The following DHPS variants were observed in gnomAD, a reference collection of about 807,000 sequenced individuals.
DHPS encodes migration-inducing gene 13.
DHPS carries 24 observed loss-of-function variants against 38.7 expected under a neutral mutation model. That is an observed-to-expected ratio of 0.62 (90% confidence interval 0.45 to 0.87). The LOEUF (loss-of-function observed/expected upper bound fraction) is 0.87, where lower values mean the gene tolerates loss of function less well. Among genes scored for constraint, DHPS ranks in the 40% least tolerant of loss-of-function variants. DHPS has a pLI of 0.00. For synonymous variants in DHPS, 250 were observed against 204.4 expected (o/e 1.22, Z -1.90); for missense variants, 510 against 497.6 (o/e 1.02, Z -0.24).
At position 12,678,792 on chromosome 19, in the gene DHPS, G is replaced by A. The variant is rs778443209; in HGVS notation, c.678+665C>T. Among the ~76,000 whole-genome samples the A allele has an allele frequency of 4.2e-3, 432 of 102,072 alleles. 6 individuals are homozygous for A. Among genetic ancestry groups the A allele is most frequent in the East Asian group, 9.2e-3 (28 of 3,042 alleles). 67.0% of individuals were successfully genotyped at this position (102,072 alleles called of 152,430 possible). On this transcript the variant is annotated intron_variant, in intron 5 of 8. Transcript: ENST00000210060. ...TCAAAAAAAAAAAAAAAAAAAAAAAGACTATGTAGCTTTTTTTTTTTTTTT... is the reference window on the plus strand; with the variant it reads ...TCAAAAAAAAAAAAAAAAAAAAAAAAACTATGTAGCTTTTTTTTTTTTTTT...
In DHPS at chr19:12,679,715, C is replaced by T. The variant is rs1449274986; in HGVS notation, c.499G>A (p.Gly167Arg). The T allele has an allele frequency of 3.7e-6, 6 of 1,614,184 alleles. No individual in the cohort carries two copies. The highest frequency in any genetic ancestry group is 5.1e-6 in the Non-Finnish European group (6 of 1,180,030). The change falls in exon 4 of 9, where the codon GGA becomes AGA. Residue 167 changes from glycine to arginine, a missense_variant. Coordinates refer to ENST00000210060, the MANE Select transcript of DHPS (RefSeq NM_001930.4). Reference protein sequence around the residue: ...ELRENGINRIGNLLVPNENYC... With the variant: ...ELRENGINRIRNLLVPNENYC... ...TTCTCATTGGGCACCAGCAGGTTTC[C>T]GATCCTGAGAACAGGAGGCATGTAG... is the stretch of plus-strand genomic sequence containing the variant.
At chr19:12,681,260 T>A (rs1303265238) in intron 1 of DHPS, 7 of 1,294,388 alleles carry the variant, frequency 5.4e-6, no homozygotes, top group Non-Finnish European at 6.9e-6. Flanking sequence ...TCCCTTAATT[T>A]GTCTTGCCCC....
chr19:12,676,591 C>G (rs1371170927), intron 7 of DHPS: 1 of 220,458 alleles, frequency 4.5e-6, no homozygotes, highest in East Asian at 1.1e-4. Flanking sequence ...AGCCCCGCCT[C>G]AGCCCACAGG....
chr19:12,672,730 T>G (rs765165468), downstream of DHPS: 6 of 1,097,176 alleles, frequency 5.5e-6, no homozygotes, highest in Non-Finnish European at 8.1e-6. Flanking sequence ...GGCCAGAGCT[T>G]CAGAATTCCA....
chr19:12,678,654 A>AGCTACT (rs1214355550), intron 5 of DHPS, among the ~76,000 whole-genome samples: 1 of 151,000 alleles, frequency 6.6e-6, no homozygotes, highest in Non-Finnish European at 1.5e-5. Flanking sequence ...CTATAGTCCC[A>AGCTACT]GCTACTCAGG....
chr19:12,681,517 G>A (rs1392879751), intron 1 of DHPS, 43 bp downstream of exon 1: 1 of 1,608,408 alleles, frequency 6.2e-7, no homozygotes, highest in Non-Finnish European at 8.5e-7. Context: ...GGTTCTACAA[G>A]CCACGCCCCT....
At chr19:12,680,018 T>G in intron 2 of DHPS, 96 bp from the exon 3 acceptor site, 14 of 1,560,506 alleles carry the variant, frequency 9.0e-6, no homozygotes, top group Non-Finnish European at 1.2e-5. Flanking sequence ...GTGACTCTTA[T>G]GAGGGAGCTC....
intron 1 of DHPS, chr19:12,681,299 A>G: frequency 8.0e-7 from 1 of 1,246,498 alleles, no homozygotes; most frequent in South Asian, 1.6e-5. Flanking sequence ...AAAGCTTTAA[A>G]TGTACCTAGA....
In DHPS at chr19:12,679,389, G is replaced by A. The variant is rs929374881; in HGVS notation, c.678+68C>T. ...GAATAACAGTACTGAATCCCCAGGA[G>A]GCTGGAAAGATGAAATAAGTTAACA... is the stretch of plus-strand genomic sequence containing the variant. On this transcript the variant is annotated intron_variant, in intron 5 of 8. Coordinates refer to ENST00000210060, the MANE Select transcript of DHPS (RefSeq NM_001930.4). The A allele has an allele frequency of 5.7e-6, 8 of 1,411,798 alleles. No homozygotes were observed. The East Asian group carries it at 1.1e-4, about 20-fold the overall frequency. 87.5% of individuals were successfully genotyped at this position (1,411,798 alleles called of 1,614,324 possible).
intron 1 of DHPS, among the ~76,000 whole-genome samples, chr19:12,680,673 A>G (rs1187899041): frequency 6.6e-6 from 1 of 150,768 alleles, no homozygotes; most frequent in African/African-American, 2.4e-5. Context: ...AGCTGGGACT[A>G]CAGGCGCGCA....
chr19:12,680,805 A>T (rs1351254510), intron 1 of DHPS, among the ~76,000 whole-genome samples: 1 of 139,576 alleles, frequency 7.2e-6, no homozygotes, highest in Non-Finnish European at 1.5e-5. Flanking sequence ...AAATGCTGAG[A>T]TTACAGGCAT....
intron 2 of DHPS, 63 bp downstream of exon 2, chr19:12,680,098 C>T (rs1269114340): frequency 1.0e-5 from 16 of 1,596,146 alleles, no homozygotes; most frequent in East Asian, 9.0e-5. Flanking sequence ...CTCACTTAAA[C>T]GATCAATAAC....
intron 5 of DHPS, among the ~76,000 whole-genome samples, 183 bp from the exon 6 acceptor site, chr19:12,677,579 T>G (rs574751661): frequency 1.3e-5 from 2 of 152,216 alleles, no homozygotes; most frequent in Non-Finnish European, 2.9e-5. Flanking sequence ...AAACACTTAG[T>G]ATAGTGCCTG....
Position 12,675,747 on chromosome 19 carries a change from G to C in DHPS, c.*91C>G. 6.4e-7 allele frequency: 1 copy of C among 1,569,902 alleles called. No homozygotes were observed. The highest frequency in any genetic ancestry group is 1.9e-5 in the Admixed American group (1 of 53,286). ...GGACTTCAGATACCATCTTATTCTA[G>C]AGACGTAGCTGACCAAAAAGTAGGG... On this transcript the variant is annotated 3_prime_UTR_variant, in exon 9 of 9. Transcript: ENST00000210060.
Position 12,681,823 on chromosome 19 carries a change from C to G in DHPS, c.-57G>C. On this transcript the variant is annotated 5_prime_UTR_variant, in exon 1 of 9. Transcript: ENST00000210060. ...CCCCTAGGCCGGGCTTACGGCGGCC[C>G]AGAAACGCGTTAAACCCCGACGCGC... is the stretch of plus-strand genomic sequence containing the variant. 1 of 1,517,046 alleles carries G rather than the reference C, an allele frequency of 6.6e-7. No homozygotes were observed. Among genetic ancestry groups the G allele is most frequent in the East Asian group, 2.3e-5 (1 of 43,756 alleles). The allele number at this position is 1,517,046 out of a possible 1,614,324, so 94.0% of individuals were successfully genotyped here.
chr19:12,677,460 ACTAT>A lies in DHPS; in HGVS notation c.679-68_679-65del, dbSNP rs2024645182. 3.6e-6 allele frequency: 5 copies of A among 1,388,872 alleles called. No homozygotes were observed. The Admixed American group carries it at 5.9e-5, about 16-fold the overall frequency. 86.0% of individuals were successfully genotyped at this position (1,388,872 alleles called of 1,614,324 possible). On this transcript the variant is annotated intron_variant, in intron 5 of 8. Coordinates refer to ENST00000210060, the MANE Select transcript of DHPS (RefSeq NM_001930.4). The stretch of plus-strand genomic sequence containing the variant: ...GCCTCGTCTCCATGCTGGCTATATG[ACTAT>A]CTGACTGTGGATGGGGTGCCTAATT...
chr19:12,672,510 A>G (rs1057046759), downstream of DHPS: 3 of 328,276 alleles, frequency 9.1e-6, no homozygotes, highest in Non-Finnish European at 1.8e-5. Context: ...CGGGAGGCTG[A>G]GGAAGGAGAA....
At chr19:12,675,181 C>T (rs965083980), downstream of DHPS, among the ~76,000 whole-genome samples, 1 of 152,166 alleles carries the variant, frequency 6.6e-6, no homozygotes, top group African/African-American at 2.4e-5. Context: ...AGTCCTAGCA[C>T]TTTGGGAGGC....
At chr19:12,676,198 C>G (rs2024581514) in intron 7 of DHPS, 56 bp from the exon 8 acceptor site, 2 of 967,164 alleles carry the variant, frequency 2.1e-6, no homozygotes, top group Non-Finnish European at 1.5e-6. Context: ...GAGACAGACA[C>G]AGAGGGAGGA....
Sources: gnomAD v4.1 joint callset for allele counts (sites outside exome capture counted in the v4.1 genomes callset) on GRCh38, gnomAD v4.1.1 for gene constraint, MANE v1.5 for transcripts, NCBI Gene and HGNC (gene_info 2026-07-23, HGNC 2026-07-21) for gene names.